Variants in TMEM132C observed in about 807,000 individuals in gnomAD.
TMEM132C encodes the protein transmembrane protein 132C.
Under a neutral mutation model 61.4 loss-of-function variants are expected in TMEM132C, and 29 were observed. That is an observed-to-expected ratio of 0.47 (90% CI 0.35 to 0.64). TMEM132C has a LOEUF of 0.64. Among genes scored for constraint, TMEM132C ranks in the 30% least tolerant of loss-of-function variants. The pLI is 0.00. For missense variants in TMEM132C, 1,408 were observed against 1,476.9 expected (o/e 0.95, Z 0.76); for synonymous variants, 656 against 633.1 (o/e 1.04, Z -0.54).
rs549760038 is a variant in TMEM132C, at chr12:128,465,811, T to C, written c.974+50191T>C. ...ACTACATGCATGCTAGGCTCTCAGC[T>C]GTGGTTCTGCGGCACCGGGTGCTCA... is the stretch of plus-strand genomic sequence containing the variant. On this transcript the variant is annotated intron_variant, in intron 2 of 8. Coordinates refer to ENST00000435159, the MANE Select transcript of TMEM132C (RefSeq NM_001136103.3). Among the ~76,000 whole-genome samples, 69 of 152,296 alleles carry C rather than the reference T, an allele frequency of 4.5e-4. 1 individual carries two copies. The highest frequency in any genetic ancestry group is 1.5e-3 in the African/African-American group (62 of 41,572).
intron 2 of TMEM132C, among the ~76,000 whole-genome samples, chr12:128,520,572 T>C (rs1872874853): frequency 6.6e-6 from 1 of 152,198 alleles, no homozygotes; most frequent in Non-Finnish European, 1.5e-5. Context: ...GCTGACATTT[T>C]AGAACAAGAT....
intron 1 of TMEM132C, among the ~76,000 whole-genome samples, chr12:128,316,240 C>T (rs1205253764): frequency 6.6e-6 from 1 of 152,160 alleles, no homozygotes; most frequent in African/African-American, 2.4e-5. Flanking sequence ...CCCCAGGGAC[C>T]TTGCTGGTTC....
chr12:128,378,678 A>G (rs892833898), intron 1 of TMEM132C, among the ~76,000 whole-genome samples: 1 of 152,160 alleles, frequency 6.6e-6, no homozygotes, highest in East Asian at 1.9e-4. Context: ...GTGACGGTCA[A>G]TTCACAGTTC....
At chr12:128,512,799 G>A (rs913289123) in intron 2 of TMEM132C, among the ~76,000 whole-genome samples, 1 of 152,200 alleles carries the variant, frequency 6.6e-6, no homozygotes, top group Non-Finnish European at 1.5e-5. Flanking sequence ...CAGCGAGAAG[G>A]TGTGTTTGGT....
chr12:128,625,177 C>T (rs1475094506), intron 4 of TMEM132C, among the ~76,000 whole-genome samples: 1 of 152,198 alleles, frequency 6.6e-6, no homozygotes, highest in Non-Finnish European at 1.5e-5. Flanking sequence ...TGAAACTGAG[C>T]ATTTTCTTCC....
intron 2 of TMEM132C, among the ~76,000 whole-genome samples, chr12:128,510,905 A>G (rs1225513741): frequency 6.6e-6 from 1 of 152,182 alleles, no homozygotes; most frequent in African/African-American, 2.4e-5. Flanking sequence ...ATGGCCTGCA[A>G]TGCGATGCTG....
intron 2 of TMEM132C, among the ~76,000 whole-genome samples, chr12:128,510,486 C>T (rs180750030): frequency 7.1e-4 from 108 of 152,328 alleles, no homozygotes; most frequent in Non-Finnish European, 1.2e-3. Flanking sequence ...GCTAAGGCCT[C>T]TCAAGCCCGC....
At chr12:128,412,737 C>T (rs1001479148) in intron 1 of TMEM132C, among the ~76,000 whole-genome samples, 1 of 152,128 alleles carries the variant, frequency 6.6e-6, no homozygotes, top group Non-Finnish European at 1.5e-5. Flanking sequence ...TTAAATTACC[C>T]AGTCTGGGGT....
intron 2 of TMEM132C, among the ~76,000 whole-genome samples, chr12:128,500,900 G>A (rs1872152064): frequency 6.6e-6 from 1 of 152,026 alleles, no homozygotes; most frequent in African/African-American, 2.4e-5. Context: ...TCAAGGTAGT[G>A]TTTTTTTATA....
chr12:128,553,346 C>G (rs562298785), intron 3 of TMEM132C, among the ~76,000 whole-genome samples: 8 of 152,206 alleles, frequency 5.3e-5, no homozygotes, highest in African/African-American at 1.9e-4. Context: ...CTTTATTTTA[C>G]TTTTGTAATC....
intron 1 of TMEM132C, among the ~76,000 whole-genome samples, chr12:128,338,628 G>T (rs764469415): frequency 1.3e-5 from 2 of 151,892 alleles, no homozygotes; most frequent in African/African-American, 2.4e-5. Context: ...GTTCTCCAAA[G>T]CAAGAGTTCT....
Position 128,683,025 on chromosome 12 carries a change from G to C in TMEM132C, c.1450-10804G>C, listed in dbSNP as rs190553628. On this transcript the variant is annotated intron_variant, in intron 5 of 8. Coordinates refer to ENST00000435159, the MANE Select transcript of TMEM132C (RefSeq NM_001136103.3). The stretch of plus-strand genomic sequence containing the variant: ...GTGTTTTAGGGCTTTAGGATCTCGA[G>C]TGCCTTATTAAGGAGAAAGAAGACA... Among the ~76,000 whole-genome samples, 311 of 152,256 alleles carry C rather than the reference G, an allele frequency of 2.0e-3. 3 individuals carry two copies. The highest frequency in any genetic ancestry group is 6.3e-3 in the African/African-American group (261 of 41,546).
intron 1 of TMEM132C, among the ~76,000 whole-genome samples, chr12:128,390,594 G>A (rs1039872498): frequency 1.3e-5 from 2 of 152,204 alleles, no homozygotes; most frequent in East Asian, 1.9e-4. Flanking sequence ...CCGCACCTCC[G>A]CCTCCCTCTC....
chr12:128,503,827 C>T (rs544388447), intron 2 of TMEM132C, among the ~76,000 whole-genome samples: 2 of 152,314 alleles, frequency 1.3e-5, no homozygotes, highest in South Asian at 4.1e-4. Flanking sequence ...TGTGGTCAGC[C>T]TCTCTGGTGT....
intron 2 of TMEM132C, among the ~76,000 whole-genome samples, chr12:128,452,810 A>G (rs1870221550): frequency 6.6e-6 from 1 of 152,178 alleles, no homozygotes; most frequent in African/African-American, 2.4e-5. Context: ...TTATAAGTAT[A>G]CCATTTAATA....
chr12:128,487,155 T>C (rs529353123), intron 2 of TMEM132C, among the ~76,000 whole-genome samples: 1 of 152,312 alleles, frequency 6.6e-6, no homozygotes, highest in South Asian at 2.1e-4. Flanking sequence ...GTATTGCTCA[T>C]TCAATAGCTC....
chr12:128,526,274 C>T (rs949543284), intron 2 of TMEM132C, among the ~76,000 whole-genome samples: 1 of 152,180 alleles, frequency 6.6e-6, no homozygotes, highest in South Asian at 2.1e-4. Context: ...TTTAATTTCT[C>T]AGAGTTCTGG....
rs1374914297 is a variant in TMEM132C, at chr12:128,415,309, G to A, written c.663G>A (p.Pro221=). 5.6e-6 allele frequency: 9 copies of A among 1,593,774 alleles called. No individual in the cohort carries two copies. Among genetic ancestry groups the A allele is most frequent in the South Asian group, 3.4e-5 (3 of 88,306 alleles). ...GGAGGAAGAAGTCCATGGACCAGCC[G>A]GAGGGGACCCCTGTGGAGCTCTACT... is the stretch of plus-strand genomic sequence containing the variant. ...GAGRKKSMDQ[P]EGTPVELYYT... The change falls in exon 2 of 9, where the codon CCG becomes CCA. Residue 221 remains proline, a synonymous_variant. Transcript: ENST00000435159. The surrounding 1 kb of genome is among the most constrained non-coding windows in gnomAD (Gnocchi z 5.8).
intron 5 of TMEM132C, among the ~76,000 whole-genome samples, chr12:128,687,734 A>G (rs565746168): frequency 1.5e-3 from 236 of 152,324 alleles, no homozygotes; most frequent in Non-Finnish European, 2.5e-3. Context: ...CAGAGCTGAA[A>G]AGGAGATATT....
Sources: allele counts gnomAD v4.1 joint callset (sites outside exome capture counted in the v4.1 genomes callset), GRCh38; gene constraint gnomAD v4.1.1; non-coding constraint Gnocchi (gnomAD v3.1); transcripts MANE v1.5; gene names NCBI Gene and HGNC (gene_info 2026-07-23, HGNC 2026-07-21).